SHE: variants seen among roughly 807,000 people sequenced by gnomAD.
SHE encodes Src homology 2 domain containing E.
A neutral mutation model predicts 49.8 loss-of-function variants in SHE; 11 were observed. The observed-to-expected ratio is 0.22, with a 90% CI of 0.14 to 0.37. The LOEUF (loss-of-function observed/expected upper bound fraction) is 0.37. Among genes scored for constraint, SHE ranks in the 10% least tolerant of loss-of-function variants. The pLI, the probability that SHE is intolerant of heterozygous loss-of-function variation, is 1.00. For missense variants in SHE, 624 were observed against 655.5 expected, an observed-to-expected ratio of 0.95 and a Z score of 0.52; for synonymous variants, 310 against 278.1, an observed-to-expected ratio of 1.11 and a Z score of -1.14.
At chr1:154,487,617 T>C (rs1469859113) in intron 3 of SHE, among the ~76,000 whole-genome samples, 4 of 151,810 alleles carry the variant, frequency 2.6e-5, no homozygotes, top group African/African-American at 4.8e-5. Context: ...TTTGGGAGGC[T>C]GAGGTGAGAG....
chr1:154,499,495 C>G (rs374620574), intron 1 of SHE, among the ~76,000 whole-genome samples: 64 of 152,216 alleles, frequency 4.2e-4, no homozygotes, highest in African/African-American at 1.3e-3. Flanking sequence ...CTTTATTTCT[C>G]CAAGCAATAA....
intron 5 of SHE, chr1:154,484,831 G>A (rs1036527387): frequency 1.3e-5 from 2 of 152,558 alleles, no homozygotes; most frequent in Non-Finnish European, 2.9e-5. Context: ...CGGGCATGGT[G>A]GCAGGCACCT....
Position 154,483,304 on chromosome 1 carries a change from C to T in SHE, c.*845G>A, listed in dbSNP as rs148260425. ...ATCCTTAGGCCACACTCTGAAGTTG[C>T]GGATTTCCATGAACTCCAGAGCTGA... On this transcript the variant is annotated 3_prime_UTR_variant, in exon 6 of 6. Transcript: ENST00000304760. 6.7e-5 allele frequency: 66 copies of T among 985,408 alleles called. No individual in the cohort carries two copies. The highest frequency in any genetic ancestry group is 8.0e-5 in the Non-Finnish European group (66 of 829,930). 61.0% of individuals were successfully genotyped at this position (985,408 alleles called of 1,614,324 possible).
chr1:154,470,925 G>A (rs1691726539), intron 1 of SHE, among the ~76,000 whole-genome samples: 1 of 151,908 alleles, frequency 6.6e-6, no homozygotes, highest in Admixed American at 6.6e-5. Flanking sequence ...CAGGAGGACT[G>A]CTTGAACCCG....
Position 154,482,985 on chromosome 1 carries a change from G to C in SHE, c.*1164C>G. The C allele has an allele frequency of 2.0e-6, 2 of 984,818 alleles. No individual in the cohort carries two copies. Among genetic ancestry groups the C allele is most frequent in the Non-Finnish European group, 2.4e-6 (2 of 829,436 alleles). The allele number at this position is 984,818 out of a possible 1,614,324, so 61.0% of individuals were successfully genotyped here. On this transcript the variant is annotated 3_prime_UTR_variant, in exon 6 of 6. Transcript: ENST00000304760. ...TTCCATAGCAACTAAAATGCCCAAT[G>C]ATGATGAAACAAAAGACATCGAAGT...
At chr1:154,496,403 C>T (rs888352024) in intron 2 of SHE, among the ~76,000 whole-genome samples, 4 of 152,182 alleles carry the variant, frequency 2.6e-5, no homozygotes, top group African/African-American at 9.7e-5. Flanking sequence ...ACTTAATACA[C>T]ACTCAAATAT....
chr1:154,501,645 C>G lies in SHE; in HGVS notation c.382G>C (p.Glu128Gln). 6.2e-7 allele frequency: 1 copy of G among 1,614,116 alleles called. No individual in the cohort carries two copies. The highest frequency in any genetic ancestry group is 8.5e-7 in the Non-Finnish European group (1 of 1,180,002). ...KGRKNSRATE[E>Q]EPHRGATKSS... The stretch of plus-strand genomic sequence containing the variant: ...TTGGTTGCACCCCGGTGGGGCTCCT[C>G]CTCCGTGGCCCGGGAGTTTTTGCGG... The change falls in exon 1 of 6, where the codon GAG becomes CAG. Residue 128 changes from glutamate (E) to glutamine (Q), a missense_variant. Glu to Gln is a conservative substitution (Grantham distance 29, BLOSUM62 2). This residue lies in a region of SHE where 337 missense variants were observed against 306.0 expected (regional missense o/e 1.10). Coordinates refer to ENST00000304760, the MANE Select transcript of SHE (RefSeq NM_001010846.3).
In SHE at chr1:154,498,459, G is replaced by A. The variant is rs139527577; in HGVS notation, c.718+653C>T. 9.3e-3 allele frequency among the ~76,000 whole-genome samples: 1,368 copies of A among 147,448 alleles called. 22 individuals carry two copies. Among genetic ancestry groups the A allele is most frequent in the African/African-American group, 0.033 (1,295 of 39,760 alleles). On this transcript the variant is annotated intron_variant, in intron 2 of 5. Coordinates refer to ENST00000304760, the MANE Select transcript of SHE (RefSeq NM_001010846.3). ...GCTGCCCAGGCTGGAGTGCAGTGGC[G>A]CAATCTTGGCTTGTTGCAACCTCCT... is the stretch of plus-strand genomic sequence containing the variant.
downstream of SHE, among the ~76,000 whole-genome samples, chr1:154,478,979 G>A (rs886301243): frequency 6.6e-6 from 1 of 152,166 alleles, no homozygotes; most frequent in East Asian, 1.9e-4. Context: ...AGGACCTGAC[G>A]TGAATTTATT....
intron 4 of SHE, 46 bp from the exon 5 acceptor site, chr1:154,486,108 AT>A (rs752178072): frequency 4.4e-6 from 7 of 1,595,540 alleles, no homozygotes; most frequent in Non-Finnish European, 6.0e-6. Context: ...GAGTGTCAAA[AT>A]ACAAATCCAG....
intron 5 of SHE, 106 bp from the exon 6 acceptor site, chr1:154,484,441 T>A: frequency 1.1e-6 from 1 of 917,000 alleles, no homozygotes; most frequent in African/African-American, 1.7e-5. Flanking sequence ...TTCTCATCCA[T>A]CCCGTAATGG....
At position 154,483,365 on chromosome 1, in the gene SHE, C is replaced by T. The variant is rs1374919665; in HGVS notation, c.*784G>A. On this transcript the variant is annotated 3_prime_UTR_variant, in exon 6 of 6. Coordinates refer to ENST00000304760, the MANE Select transcript of SHE (RefSeq NM_001010846.3). Reference sequence around the variant, plus strand: ...CTGAGGGAGAAAGACCACCTTCTTGCCCGTCATTCACATTTTCTCCCGCTC... The same window carrying T: ...CTGAGGGAGAAAGACCACCTTCTTGTCCGTCATTCACATTTTCTCCCGCTC... 7.1e-6 allele frequency: 7 copies of T among 985,420 alleles called. No homozygotes were observed. The highest frequency in any genetic ancestry group is 8.4e-6 in the Non-Finnish European group (7 of 829,938). 61.0% of individuals were successfully genotyped at this position (985,420 alleles called of 1,614,324 possible). A position where few individuals can be genotyped will look rare whatever the true frequency, so the allele number is the denominator to read the frequency against.
At chr1:154,488,000 G>C (rs1419201958) in intron 3 of SHE, among the ~76,000 whole-genome samples, 1 of 148,764 alleles carries the variant, frequency 6.7e-6, no homozygotes, top group East Asian at 2.0e-4. Context: ...AGTTCAGTGG[G>C]GAGATCTTGG....
At chr1:154,471,925 C>T (rs1425339078) in intron 1 of SHE, among the ~76,000 whole-genome samples, 1 of 152,176 alleles carries the variant, frequency 6.6e-6, no homozygotes, top group African/African-American at 2.4e-5. Flanking sequence ...GTAATCCCAG[C>T]ACTTTGGGAG....
downstream of SHE, among the ~76,000 whole-genome samples, chr1:154,477,204 C>G (rs777483378): frequency 3.3e-5 from 5 of 152,162 alleles, no homozygotes; most frequent in Non-Finnish European, 5.9e-5. Context: ...TCCTTTTTCC[C>G]TTGCTCTGAG....
exon 2 of SHE, chr1:154,470,122 G>A (rs903609308): frequency 1.7e-5 from 6 of 361,804 alleles, no homozygotes; most frequent in East Asian, 7.7e-5. Flanking sequence ...GATGGTGGCC[G>A]CCATCTCCTT....
chr1:154,474,248 C>T (rs938518289), intron 1 of SHE, among the ~76,000 whole-genome samples: 2 of 152,286 alleles, frequency 1.3e-5, no homozygotes, highest in East Asian at 1.9e-4. Flanking sequence ...GGAGTCTGAG[C>T]GCACATACAA....
At chr1:154,495,422 T>C (rs891648329) in intron 2 of SHE, among the ~76,000 whole-genome samples, 3 of 152,210 alleles carry the variant, frequency 2.0e-5, no homozygotes, top group Non-Finnish European at 4.4e-5. Flanking sequence ...TAAATCTCAG[T>C]GATAATTTAC....
At chr1:154,472,709 C>T (rs1027445605) in intron 1 of SHE, among the ~76,000 whole-genome samples, 4 of 152,158 alleles carry the variant, frequency 2.6e-5, no homozygotes, top group South Asian at 2.1e-4. Context: ...TGCTGGGGAC[C>T]GCAGGGCTAG....
Sources: gnomAD v4.1 joint callset for allele counts (sites outside exome capture counted in the v4.1 genomes callset) on GRCh38, gnomAD v4.1.1 for gene constraint, gnomAD v4.1.1 regional missense constraint, MANE v1.5 for transcripts, NCBI Gene and HGNC (gene_info 2026-07-23, HGNC 2026-07-21) for gene names.